The following VILL variants were observed in gnomAD, a reference collection of about 807,000 sequenced individuals.
VILL encodes the protein villin-like protein.
In VILL, 102 loss-of-function variants were observed where a neutral mutation model predicts 106.3. The observed-to-expected ratio is 0.96, with a 90% confidence interval of 0.82 to 1.13. The LOEUF is 1.13. Ranked by LOEUF, VILL falls within the 50% of genes most tolerant of loss-of-function variation. VILL has a pLI of 0.00. For missense variants in VILL, 1,076 were observed against 1,116.6 expected (o/e 0.96, Z 0.52); for synonymous variants, 431 against 440.3 (o/e 0.98, Z 0.27).
rs747869757 is a variant in VILL, at chr3:38,004,391, T to G, written c.1942T>G (p.Trp648Gly). ...GTATGACATCATGTTACTGGACACC[T>G]GGCAGGAGGTAAGGTGGCCATCCCT... ...DKYDIMLLDT[W>G]QEIFLWLGEA... The change falls in exon 16 of 20, where the codon TGG (tryptophan) becomes GGG (glycine). Residue 648 changes from tryptophan (W) to glycine (G), a missense_variant. Coordinates refer to ENST00000383759, the MANE Select transcript of VILL (RefSeq NM_015873.4). 66 of 1,605,438 alleles carry G rather than the reference T, an allele frequency of 4.1e-5. No individual in the cohort carries two copies. The highest frequency in any genetic ancestry group is 5.5e-5 in the Non-Finnish European group (64 of 1,172,758).
At position 38,005,937 on chromosome 3, in the gene VILL, T is replaced by C. The variant is rs142814627; in HGVS notation, c.2096T>C (p.Ile699Thr). 6.6e-4 allele frequency: 1,070 copies of C among 1,613,790 alleles called. No homozygotes were observed. Among genetic ancestry groups the C allele is most frequent in the Admixed American group, 9.0e-4 (54 of 59,986 alleles). The change falls in exon 17 of 20, where the codon ATT becomes ACT. Residue 699 changes from isoleucine (I) to threonine (T), a missense_variant. By Grantham distance (89) the Ile-to-Thr change is moderately conservative (BLOSUM62 -1). Coordinates refer to ENST00000383759, the MANE Select transcript of VILL (RefSeq NM_015873.4). ...CAGGGCCATGAGCCTCCCACCTTCATTGGATGGTTCTTCACTTGGGACCCC... is the reference window on the plus strand; with the variant it reads ...CAGGGCCATGAGCCTCCCACCTTCACTGGATGGTTCTTCACTTGGGACCCC... The part of the protein sequence containing the change: ...VKQGHEPPTF[I>T]GWFFTWDPYK...
chr3:38,003,951 T>C lies in VILL; in HGVS notation c.1806-304T>C, dbSNP rs544097311. On this transcript the variant is annotated intron_variant, in intron 15 of 19. Transcript: ENST00000383759. ...TGCCAGGGGTGGGCTGAGGAGCTCC[T>C]CCCATCCCAGGGAGGGCGAGACTCC... 10 of 300,678 alleles carry C rather than the reference T, an allele frequency of 3.3e-5. No homozygotes were observed. In the South Asian group the frequency reaches 7.0e-4, roughly 21 times the overall value. The allele number at this position is 300,678 out of a possible 1,614,324, so 18.6% of individuals were successfully genotyped here. A position where few individuals can be genotyped will look rare whatever the true frequency, so the allele number is the denominator to read the frequency against.
At chr3:37,996,837 C>T (rs1225926766) in intron 5 of VILL, among the ~76,000 whole-genome samples, 10 of 152,230 alleles carry the variant, frequency 6.6e-5, no homozygotes, top group South Asian at 6.2e-4. Flanking sequence ...AAAAGATAAA[C>T]AGATACACCC....
At chr3:37,995,694 T>TTATATACACAGAATG (rs1448815162) in intron 4 of VILL, 45 bp from the exon 5 acceptor site, 1 of 1,481,696 alleles carries the variant, frequency 6.7e-7, no homozygotes, top group Non-Finnish European at 9.4e-7. Flanking sequence ...GTCTGTGTTC[T>TTATATACACAGAATG]TATATACACA....
chr3:37,996,850 C>T (rs1316663675), intron 5 of VILL, among the ~76,000 whole-genome samples: 1 of 152,160 alleles, frequency 6.6e-6, no homozygotes, highest in Non-Finnish European at 1.5e-5. Context: ...ATACACCCCA[C>T]CTGTATACAT....
At chr3:38,001,884 G>T in intron 13 of VILL, 24 bp downstream of exon 13, 1 of 1,613,942 alleles carries the variant, frequency 6.2e-7, no homozygotes, top group Middle Eastern at 1.7e-4. Context: ...TGCCACTCTG[G>T]CCACAGCCTG....
chr3:37,993,588 T>C lies in VILL; in HGVS notation c.-85T>C. ...TAAAAGTCATGTTCTATAATGAAGT[T>C]GTACAGGTAGCCAGGTGTCGGTCTC... On this transcript the variant is annotated splice_region_variant and 5_prime_UTR_variant, in exon 2 of 20. Coordinates refer to ENST00000383759, the MANE Select transcript of VILL (RefSeq NM_015873.4). The C allele has an allele frequency of 7.7e-7, 1 of 1,293,670 alleles. No homozygotes were observed. Among genetic ancestry groups the C allele is most frequent in the Non-Finnish European group, 1.1e-6 (1 of 904,496 alleles). The allele number at this position is 1,293,670 out of a possible 1,614,324, so 80.1% of individuals were successfully genotyped here.
At chr3:37,999,723 C>T (rs1699779766) in intron 11 of VILL, among the ~76,000 whole-genome samples, 1 of 152,204 alleles carries the variant, frequency 6.6e-6, no homozygotes, top group Non-Finnish European at 1.5e-5. Context: ...CAAAATCAAA[C>T]ATATGCTTAT....
chr3:38,002,284 C>A, intron 13 of VILL, 112 bp from the exon 14 acceptor site: 1 of 993,880 alleles, frequency 1.0e-6, no homozygotes, highest in Non-Finnish European at 1.5e-6. Context: ...CCAGTGAGGG[C>A]CTTGATGGCT....
chr3:37,998,076 T>C lies in VILL; in HGVS notation c.765-14T>C. ...GGGGCTGGGCTGGCCACTCCTGGGT[T>C]CCTGTCCCCCCAGTGTCTATGAGAA... is the stretch of plus-strand genomic sequence containing the variant. On this transcript the variant is annotated splice_polypyrimidine_tract_variant and intron_variant, in intron 7 of 19. Transcript: ENST00000383759. This position sits in a 1 kb window ranked among gnomAD's most constrained non-coding sequence, Gnocchi z 4.1. The C allele has an allele frequency of 6.3e-7, 1 of 1,597,992 alleles. No homozygotes were observed. Among genetic ancestry groups the C allele is most frequent in the Non-Finnish European group, 8.5e-7 (1 of 1,171,810 alleles).
chr3:37,988,199 C>G (rs996774320), upstream of VILL: 1 of 152,290 alleles, frequency 6.6e-6, no homozygotes, highest in Non-Finnish European at 1.5e-5. Context: ...ACGACCTGGG[C>G]GTCTTCAAGG....
intron 1 of VILL, 49 bp from the exon 2 acceptor site, chr3:37,993,538 T>G: frequency 1.4e-6 from 1 of 726,276 alleles, no homozygotes; most frequent in Non-Finnish European, 2.3e-6. Flanking sequence ...GTGCTGACAT[T>G]TGTGTGTTTA....
chr3:37,988,862 C>T (rs1309616874), upstream of VILL, among the ~76,000 whole-genome samples: 4 of 152,060 alleles, frequency 2.6e-5, no homozygotes, highest in Non-Finnish European at 4.4e-5. Flanking sequence ...AACTCTGTCT[C>T]AAATAAATAC....
In VILL at chr3:38,004,355, G is replaced by A. The variant is rs372523101; in HGVS notation, c.1906G>A (p.Asp636Asn). 2 of 1,613,562 alleles carry A rather than the reference G, an allele frequency of 1.2e-6. No individual in the cohort carries two copies. The highest frequency in any genetic ancestry group is 1.3e-5 in the African/African-American group (1 of 74,920). The change falls in exon 16 of 20, where the codon GAC (aspartate) becomes AAC (asparagine). Residue 636 changes from aspartate (D) to asparagine (N), a missense_variant. Coordinates refer to ENST00000383759, the MANE Select transcript of VILL (RefSeq NM_015873.4). ...AGAAGTGGGGTTCTTCAGCCAGGAG[G>A]ACCTGGACAAGTATGACATCATGTT... ...LAEVGFFSQE[D>N]LDKYDIMLLD...
At chr3:38,002,653 A>G (rs1390903408) in intron 14 of VILL, 78 bp downstream of exon 14, 3 of 1,490,226 alleles carry the variant, frequency 2.0e-6, no homozygotes, top group African/African-American at 2.8e-5. Flanking sequence ...TCCACAGGGC[A>G]TGCAGACTTT....
chr3:38,006,433 G>C lies in VILL; in HGVS notation c.2206-16G>C, dbSNP rs201283082. 1 of 1,586,010 alleles carries C rather than the reference G, an allele frequency of 6.3e-7. No individual in the cohort carries two copies. The highest frequency in any genetic ancestry group is 1.3e-5 in the African/African-American group (1 of 74,414). ...GATTCCCCATCTTCCCCAGCCTGAG[G>C]CTCCTCTCTGGACAGGAAGTCAACA... On this transcript the variant is annotated splice_polypyrimidine_tract_variant and intron_variant, in intron 18 of 19. Transcript: ENST00000383759.
rs780797706 is a variant in VILL, at chr3:37,993,989, A to G, written c.135+17A>G. The G allele has an allele frequency of 6.2e-7, 1 of 1,614,064 alleles. No homozygotes were observed. The highest frequency in any genetic ancestry group is 2.2e-5 in the East Asian group (1 of 44,870). ...ATCCTCCACGTGAGTCGCTTGGGGA[A>G]GTCTGCCTGAGAGGGGTGGCATGGC... On this transcript the variant is annotated intron_variant, in intron 3 of 19. Coordinates refer to ENST00000383759, the MANE Select transcript of VILL (RefSeq NM_015873.4).
chr3:37,993,229 G>A lies in VILL; in HGVS notation c.-86-358G>A, dbSNP rs556826318. 3.9e-5 allele frequency among the ~76,000 whole-genome samples: 6 copies of A among 152,246 alleles called. No individual in the cohort carries two copies. The East Asian group carries it at 1.2e-3, about 29-fold the overall frequency. On this transcript the variant is annotated intron_variant, in intron 1 of 19. Transcript: ENST00000383759. The stretch of plus-strand genomic sequence containing the variant: ...GCGCAGAACCACAGAGCACAGACTC[G>A]AGCAAGCTAAATCGCTATTTGCAGA...
intron 11 of VILL, 86 bp downstream of exon 11, chr3:37,999,525 G>A: frequency 9.8e-7 from 1 of 1,022,910 alleles, no homozygotes; most frequent in East Asian, 2.9e-5. Context: ...GCTATCTAAA[G>A]TGACCCAGGT....
Sources: gnomAD v4.1 joint callset for allele counts (sites outside exome capture counted in the v4.1 genomes callset) on GRCh38, gnomAD v4.1.1 for gene constraint, Gnocchi (gnomAD v3.1) non-coding constraint, MANE v1.5 for transcripts, NCBI Gene and HGNC (gene_info 2026-07-23, HGNC 2026-07-21) for gene names.